Variants in KIF13A observed in about 807,000 individuals in gnomAD.
KIF13A encodes the protein kinesin-like protein KIF13A.
KIF13A carries 79 observed loss-of-function variants against 212.2 expected under a neutral mutation model. That is an observed-to-expected ratio of 0.37 (90% CI 0.31 to 0.45). KIF13A has a LOEUF of 0.45. KIF13A is among the 20% of genes least tolerant of loss of function. The pLI is 1.00. For missense variants in KIF13A, 1,901 were observed against 2,209.0 expected, an observed-to-expected ratio of 0.86 and a Z score of 2.79; for synonymous variants, 789 against 808.6, an observed-to-expected ratio of 0.98 and a Z score of 0.41.
At position 17,852,003 on chromosome 6, in the gene KIF13A, CA is replaced by C; in HGVS notation, c.533del (p.Leu178TrpfsTer5). The part of the protein sequence containing the change: ...QSLKVREHKV[L>X]GPYVDGLSQL... The stretch of plus-strand genomic sequence containing the variant: ...GAGATAAACCATCTACATATGGTCC[CA>C]AAACTTTATGTTCTCGAACTTTAAG... On this transcript the variant is annotated frameshift_variant, in exon 7 of 39. Transcript: ENST00000259711. LOFTEE classifies it high-confidence loss of function. 6.4e-7 allele frequency: 1 copy of C among 1,554,414 alleles called. No individual in the cohort carries two copies. The highest frequency in any genetic ancestry group is 8.7e-7 in the Non-Finnish European group (1 of 1,153,866).
At chr6:17,973,349 GTC>G (rs1346097017) in intron 2 of KIF13A, among the ~76,000 whole-genome samples, 2 of 152,194 alleles carry the variant, frequency 1.3e-5, no homozygotes, top group African/African-American at 4.8e-5. Context: ...TATGTAGAAT[GTC>G]TGTAAGGAAT....
Position 17,763,843 on chromosome 6 carries a change from G to A in KIF13A, c.*267C>T. ...GAAAACTGGTAACTAAACATCCCAG[G>A]GAATGAATATGAGATTGATCCTTAT... On this transcript the variant is annotated 3_prime_UTR_variant, in exon 39 of 39. Coordinates refer to ENST00000259711, the MANE Select transcript of KIF13A (RefSeq NM_022113.6). 2.4e-6 allele frequency: 3 copies of A among 1,252,432 alleles called. No homozygotes were observed. The highest frequency in any genetic ancestry group is 3.2e-4 in the Middle Eastern group (1 of 3,162). The allele number at this position is 1,252,432 out of a possible 1,614,324, so 77.6% of individuals were successfully genotyped here. A position where few individuals can be genotyped will look rare whatever the true frequency, so the allele number is the denominator to read the frequency against.
At chr6:17,877,876 A>G (rs778947211) in intron 3 of KIF13A, among the ~76,000 whole-genome samples, 5 of 152,190 alleles carry the variant, frequency 3.3e-5, no homozygotes, top group African/African-American at 4.8e-5. Flanking sequence ...ATTTGCAGTC[A>G]GTATTTACTG....
chr6:17,790,607 G>A (rs1385691097), intron 25 of KIF13A, among the ~76,000 whole-genome samples: 1 of 152,102 alleles, frequency 6.6e-6, no homozygotes, highest in East Asian at 1.9e-4. Flanking sequence ...TTTGAGCAAT[G>A]AGGCAAACAT....
At chr6:17,875,456 C>CTT (rs758607280) in intron 3 of KIF13A, among the ~76,000 whole-genome samples, 49 of 137,130 alleles carry the variant, frequency 3.6e-4, no homozygotes, top group African/African-American at 7.9e-4. Context: ...TTTTCTTTTC[C>CTT]TTTTTTTTTT....
chr6:17,938,542 T>G (rs182740588), intron 2 of KIF13A, among the ~76,000 whole-genome samples: 1 of 152,174 alleles, frequency 6.6e-6, no homozygotes, highest in South Asian at 2.1e-4. Context: ...TTGGGCTTAT[T>G]ATATTGCGGC....
chr6:17,939,998 C>T (rs1776813041), intron 2 of KIF13A, among the ~76,000 whole-genome samples: 1 of 145,558 alleles, frequency 6.9e-6, no homozygotes, highest in Admixed American at 7.2e-5. Context: ...CGAGATCGCG[C>T]CACTACACAC....
intron 7 of KIF13A, among the ~76,000 whole-genome samples, chr6:17,851,728 A>G (rs1272966042): frequency 2.0e-5 from 3 of 152,386 alleles, no homozygotes; most frequent in Admixed American, 6.5e-5. Context: ...AGCAACCTGA[A>G]AACACTGGGC....
Position 17,971,811 on chromosome 6 carries a change from T to A in KIF13A, c.146+15243A>T, listed in dbSNP as rs1779829861. Among the ~76,000 whole-genome samples the A allele has an allele frequency of 6.6e-6, 1 of 152,082 alleles. No homozygotes were observed. Among genetic ancestry groups the A allele is most frequent in the Non-Finnish European group, 1.5e-5 (1 of 68,016 alleles). On this transcript the variant is annotated intron_variant, in intron 2 of 38. Transcript: ENST00000259711. This position sits in a 1 kb window ranked among gnomAD's most constrained non-coding sequence, Gnocchi z 4.2. Reference sequence around the variant, plus strand: ...CCAAATTTTTATTTCTACTGTTTTTTAAAAATCCTTAAGTCTGAGAACCAA... The same window carrying A: ...CCAAATTTTTATTTCTACTGTTTTTAAAAAATCCTTAAGTCTGAGAACCAA...
chr6:17,882,257 C>T (rs539407183), intron 3 of KIF13A: 3 of 343,656 alleles, frequency 8.7e-6, no homozygotes, highest in African/African-American at 6.4e-5. Context: ...ATTTTAGGGG[C>T]TACAGGGAAC....
chr6:17,956,393 C>T (rs1188184677), intron 2 of KIF13A, among the ~76,000 whole-genome samples: 1 of 152,216 alleles, frequency 6.6e-6, no homozygotes, highest in Non-Finnish European at 1.5e-5. Context: ...AGCCAAGTGC[C>T]ACCTGTTTGT....
rs1211079858 is a variant in KIF13A, at chr6:17,967,545, T to C, written c.146+19509A>G. 1.3e-5 allele frequency among the ~76,000 whole-genome samples: 2 copies of C among 152,230 alleles called. No individual in the cohort carries two copies. Among genetic ancestry groups the C allele is most frequent in the Non-Finnish European group, 2.9e-5 (2 of 68,036 alleles). On this transcript the variant is annotated intron_variant, in intron 2 of 38. Coordinates refer to ENST00000259711, the MANE Select transcript of KIF13A (RefSeq NM_022113.6). This position sits in a 1 kb window ranked among gnomAD's most constrained non-coding sequence, Gnocchi z 4.1. ...CTAGGGCAGAGAAAACTATCCGAAG[T>C]CTTTCTGGAAGACTGCACGTGTCAG...
At chr6:17,840,423 T>A (rs1485978387) in intron 9 of KIF13A, among the ~76,000 whole-genome samples, 1 of 152,214 alleles carries the variant, frequency 6.6e-6, no homozygotes, top group Non-Finnish European at 1.5e-5. Context: ...ATATTTTTGA[T>A]TGGAAACAAT....
At chr6:17,981,405 T>C (rs1040360146) in intron 2 of KIF13A, among the ~76,000 whole-genome samples, 4 of 151,906 alleles carry the variant, frequency 2.6e-5, no homozygotes, top group Admixed American at 1.3e-4. Flanking sequence ...ATAATTACTT[T>C]TAGTTTTGTT....
At position 17,785,685 on chromosome 6, in the gene KIF13A, T is replaced by A. The variant is rs1265180722; in HGVS notation, c.3362-44A>T. On this transcript the variant is annotated intron_variant, in intron 27 of 38. Coordinates refer to ENST00000259711, the MANE Select transcript of KIF13A (RefSeq NM_022113.6). The surrounding 1 kb of genome is among the most constrained non-coding windows in gnomAD (Gnocchi z 5.8). ...AGATCAATGCCAACAAGAGAGAAAG[T>A]ATGACTTCTCAGTTTACAAGGAATA... 3 of 1,576,358 alleles carry A rather than the reference T, an allele frequency of 1.9e-6. No homozygotes were observed. The highest frequency in any genetic ancestry group is 2.6e-6 in the Non-Finnish European group (3 of 1,159,798).
At position 17,883,653 on chromosome 6, in the gene KIF13A, T is replaced by C. The variant is rs1056448329; in HGVS notation, c.160-10216A>G. 6.6e-6 allele frequency among the ~76,000 whole-genome samples: 1 copy of C among 152,242 alleles called. No homozygotes were observed. Among genetic ancestry groups the C allele is most frequent in the African/African-American group, 2.4e-5 (1 of 41,464 alleles). On this transcript the variant is annotated intron_variant, in intron 3 of 38. Coordinates refer to ENST00000259711, the MANE Select transcript of KIF13A (RefSeq NM_022113.6). This position sits in a 1 kb window ranked among gnomAD's most constrained non-coding sequence, Gnocchi z 4.8. ...TAAGAAATGACCCTATTCATCTGTA[T>C]ATTACGTCAATGGTCAGCCAACTTC...
rs1766132270 is a variant in KIF13A, at chr6:17,837,957, AC to A, written c.831-375del. On this transcript the variant is annotated intron_variant, in intron 9 of 38. Transcript: ENST00000259711. The surrounding 1 kb of genome is among the most constrained non-coding windows in gnomAD (Gnocchi z 5.4). ...GACAGAGTGAGACTCTTTCAAAAAA[AC>A]AAAAACAAAGAAACCCCAAAAAACC... Among the ~76,000 whole-genome samples, 1 of 144,586 alleles carries A rather than the reference AC, an allele frequency of 6.9e-6. No homozygotes were observed. Among genetic ancestry groups the A allele is most frequent in the Non-Finnish European group, 1.5e-5 (1 of 65,048 alleles). The allele number at this position is 144,586 out of a possible 152,430, so 94.9% of individuals were successfully genotyped here. A position where few individuals can be genotyped will look rare whatever the true frequency, so the allele number is the denominator to read the frequency against.
intron 3 of KIF13A, among the ~76,000 whole-genome samples, chr6:17,877,074 G>A (rs1188592352): frequency 6.5e-5 from 9 of 139,188 alleles, no homozygotes; most frequent in African/African-American, 1.6e-4. Context: ...TTAAGATCTC[G>A]CAGGGAAACA....
chr6:17,913,803 G>A (rs1044133812), intron 2 of KIF13A, among the ~76,000 whole-genome samples: 49 of 152,082 alleles, frequency 3.2e-4, no homozygotes, highest in African/African-American at 1.1e-3. Context: ...TGATGGAGAC[G>A]CAAAATGGGA....
Sources: gnomAD v4.1 joint callset for allele counts (sites outside exome capture counted in the v4.1 genomes callset) on GRCh38, gnomAD v4.1.1 for gene constraint, Gnocchi (gnomAD v3.1) non-coding constraint, MANE v1.5 for transcripts, NCBI Gene and HGNC (gene_info 2026-07-23, HGNC 2026-07-21) for gene names.